The following QTMAN variants were observed in gnomAD, a reference collection of about 807,000 sequenced individuals.
The protein encoded by QTMAN is queuosine-tRNA mannosyltransferase.
At chr2:144,133,135 A>ATG in the QTMAN span, among the ~76,000 whole-genome samples, 1 of 42,782 alleles carries the variant, frequency 2.3e-5, no homozygotes, top group Non-Finnish European at 3.9e-5. Flanking sequence ...ATATATATAT[A>ATG]TATATATATA....
the QTMAN span, among the ~76,000 whole-genome samples, chr2:144,272,162 CTAAT>C: frequency 1.3e-5 from 2 of 151,934 alleles, no homozygotes; most frequent in Non-Finnish European, 2.9e-5. Flanking sequence ...TTTAGTGAAA[CTAAT>C]TAAACAGAAC....
the QTMAN span, among the ~76,000 whole-genome samples, chr2:144,000,886 T>C: frequency 6.6e-6 from 1 of 151,970 alleles, no homozygotes; most frequent in Non-Finnish European, 1.5e-5. Context: ...GTCCAAAAAT[T>C]AGCACTTTGC....
the QTMAN span, among the ~76,000 whole-genome samples, chr2:144,035,594 C>CA: frequency 5.9e-4 from 88 of 148,108 alleles, no homozygotes; most frequent in Middle Eastern, 3.5e-3. Context: ...ATGTCAAATG[C>CA]AAAAAAAAAT....
At chr2:144,301,706 A>G in the QTMAN span, among the ~76,000 whole-genome samples, 1 of 152,228 alleles carries the variant, frequency 6.6e-6, no homozygotes, top group Non-Finnish European at 1.5e-5. Flanking sequence ...AAGCACATCC[A>G]CTACCAATGC....
chr2:144,237,394 C>G, the QTMAN span: 2 of 152,026 alleles, frequency 1.3e-5, no homozygotes, highest in Non-Finnish European at 2.9e-5. Context: ...AGTATCACTA[C>G]CTCATTATCT....
At chr2:143,952,773 C>G in the QTMAN span, 2 of 1,579,474 alleles carry the variant, frequency 1.3e-6, no homozygotes, top group Non-Finnish European at 1.7e-6. Context: ...AAGCAGCTAC[C>G]TGGAAATATT....
At chr2:143,974,991 T>C in the QTMAN span, among the ~76,000 whole-genome samples, 1 of 152,094 alleles carries the variant, frequency 6.6e-6, no homozygotes, top group Non-Finnish European at 1.5e-5. Context: ...TACTCTTGAG[T>C]AGGTAAGAAT....
At chr2:144,199,365 T>C in the QTMAN span, among the ~76,000 whole-genome samples, 2 of 152,170 alleles carry the variant, frequency 1.3e-5, no homozygotes, top group African/African-American at 4.8e-5. Flanking sequence ...TGAACTTCTT[T>C]AGTGAATACT....
chr2:144,164,889 G>C, the QTMAN span, among the ~76,000 whole-genome samples: 10 of 152,268 alleles, frequency 6.6e-5, no homozygotes, highest in South Asian at 2.1e-3. Context: ...ACAGTGTCCT[G>C]TATACACTAG....
the QTMAN span, among the ~76,000 whole-genome samples, chr2:143,983,141 G>GGCAAAC: frequency 6.6e-6 from 1 of 152,084 alleles, no homozygotes; most frequent in Non-Finnish European, 1.5e-5. Flanking sequence ...TTTAGTATCT[G>GGCAAAC]TACTTGAGGG....
the QTMAN span, among the ~76,000 whole-genome samples, chr2:143,983,036 T>A: frequency 6.6e-6 from 1 of 152,154 alleles, no homozygotes; most frequent in African/African-American, 2.4e-5. Context: ...ATGACAATTT[T>A]AAATGTATAT....
the QTMAN span, among the ~76,000 whole-genome samples, chr2:143,976,219 A>C: frequency 6.6e-6 from 1 of 152,102 alleles, no homozygotes; most frequent in African/African-American, 2.4e-5. Flanking sequence ...CAGAGGAAAA[A>C]CAGAGTTGGT....
the QTMAN span, among the ~76,000 whole-genome samples, chr2:144,061,356 C>T: frequency 6.6e-6 from 1 of 152,164 alleles, no homozygotes; most frequent in Non-Finnish European, 1.5e-5. Flanking sequence ...ACTTTTACAG[C>T]TTACAAGTTC....
the QTMAN span, among the ~76,000 whole-genome samples, chr2:144,016,994 T>C: frequency 6.6e-6 from 1 of 151,886 alleles, no homozygotes; most frequent in South Asian, 2.1e-4. Flanking sequence ...TGAACTTTAT[T>C]CTAAAGCCAA....
chr2:144,195,620 T>C, the QTMAN span, among the ~76,000 whole-genome samples: 1 of 152,152 alleles, frequency 6.6e-6, no homozygotes, highest in Non-Finnish European at 1.5e-5. Flanking sequence ...ACTGTTTCTA[T>C]GTCTTATGTG....
chr2:144,254,654 T>A, the QTMAN span, among the ~76,000 whole-genome samples: 3 of 152,014 alleles, frequency 2.0e-5, no homozygotes, highest in African/African-American at 7.2e-5. Flanking sequence ...AGCACCACCA[T>A]CCTCCAGACC....
chr2:144,022,125 C>T, the QTMAN span, among the ~76,000 whole-genome samples: 4 of 152,146 alleles, frequency 2.6e-5, no homozygotes, highest in Middle Eastern at 3.4e-3. Flanking sequence ...CATGAATTAT[C>T]TTGGGGATTC....
the QTMAN span, among the ~76,000 whole-genome samples, chr2:144,016,006 T>C: frequency 1.3e-5 from 2 of 152,310 alleles, no homozygotes; most frequent in African/African-American, 4.8e-5. Flanking sequence ...AAACTTGCCA[T>C]TCCTTGCTCC....
the QTMAN span, among the ~76,000 whole-genome samples, chr2:144,132,623 G>A: frequency 0.011 from 1,665 of 152,044 alleles, 30 homozygotes; most frequent in African/African-American, 0.038. Flanking sequence ...TTTGGCTGCC[G>A]TCATATGGGT....
Sources: gnomAD v4.1 joint callset for allele counts (sites outside exome capture counted in the v4.1 genomes callset) on GRCh38, gnomAD v4.1.1 for gene constraint, MANE v1.5 for transcripts, NCBI Gene and HGNC (gene_info 2026-07-23, HGNC 2026-07-21) for gene names.